Variants in ACTN2 observed in about 807,000 individuals in gnomAD.
ACTN2 encodes the protein actinin alpha 2, also known as alpha-actinin-2.
Under a neutral mutation model 113.8 loss-of-function variants are expected in ACTN2, and 39 were observed. The ratio of observed to expected loss-of-function variants is 0.34; its 90% CI spans 0.27 to 0.45. ACTN2 has a LOEUF of 0.45. ACTN2 is among the 20% of genes least tolerant of loss of function. The pLI is 1.00. For missense variants in ACTN2, 992 were observed against 1,177.9 expected (o/e 0.84, Z 2.31); for synonymous variants, 429 against 444.1 (o/e 0.97, Z 0.43).
rs1341861 is a variant in ACTN2 at position 236,720,386 on chromosome 1, G to T, written c.448+195G>T. 0.9 allele frequency among the ~76,000 whole-genome samples: 136,365 copies of T among 152,234 alleles called. 62,369 individuals are homozygous for T. The highest frequency in any genetic ancestry group is 0.99 in the Non-Finnish European group (67,408 of 68,034). ...CTGTTTCATTCATGGGGGTGGAATCGGTTTGCAAAAGATGAGCACATGTTC... is the reference window on the plus strand; with the variant it reads ...CTGTTTCATTCATGGGGGTGGAATCTGTTTGCAAAAGATGAGCACATGTTC... On this transcript the variant is annotated intron_variant, in intron 4 of 20. Transcript: ENST00000366578.
chr1:236,734,480 G>A (rs1281952554), intron 7 of ACTN2: 1 of 1,535,892 alleles, frequency 6.5e-7, no homozygotes, highest in Non-Finnish European at 8.7e-7. Context: ...AATGACTTAT[G>A]TTTCCTGTTA....
Position 236,757,572 on chromosome 1 carries a change from G to T in ACTN2, c.2241G>T (p.Ala747=). ...EVETQILTRD[A]KGITQEQMNE... ...AGACTCAGATCCTGACGAGAGATGC[G>T]AAGGGCATCACCCAGGAGCAGATGA... Residue 747 remains alanine (A), a synonymous_variant, in exon 18 of 21, where the codon GCG becomes GCT. Coordinates refer to ENST00000366578, the MANE Select transcript of ACTN2 (RefSeq NM_001103.4). The T allele has an allele frequency of 1.2e-6, 2 of 1,614,170 alleles. No homozygotes were observed. The highest frequency in any genetic ancestry group is 1.3e-5 in the African/African-American group (1 of 75,030).
At chr1:236,727,037 C>T (rs1658571639) in intron 5 of ACTN2, among the ~76,000 whole-genome samples, 1 of 152,210 alleles carries the variant, frequency 6.6e-6, no homozygotes, top group Non-Finnish European at 1.5e-5. Context: ...TGTCACTGAA[C>T]CCGCTGTCGC....
chr1:236,719,109 C>T lies in ACTN2; in HGVS notation c.361+96C>T, dbSNP rs41269355. On this transcript the variant is annotated intron_variant, in intron 3 of 20. Transcript: ENST00000366578. The stretch of plus-strand genomic sequence containing the variant: ...TTCTCCCCTTCTTCCCTCCCTTTCA[C>T]CATTTACTGTACCTGCCTTGTATCA... 0.061 allele frequency: 94,537 copies of T among 1,541,346 alleles called. 3,307 individuals carry two copies. Among genetic ancestry groups the T allele is most frequent in the Admixed American group, 0.079 (4,444 of 56,392 alleles).
intron 10 of ACTN2, among the ~76,000 whole-genome samples, chr1:236,739,855 C>T (rs916220974): frequency 8.5e-5 from 13 of 152,122 alleles, no homozygotes; most frequent in African/African-American, 3.1e-4. Context: ...GTCTTCTGTT[C>T]CCTGCTGTTA....
chr1:236,688,692 C>G (rs1396455402), intron 1 of ACTN2, among the ~76,000 whole-genome samples: 1 of 152,150 alleles, frequency 6.6e-6, no homozygotes, highest in African/African-American at 2.4e-5. Flanking sequence ...GCAAAAACTA[C>G]ATTAGGAGAG....
At chr1:236,692,218 G>A (rs565308961) in intron 1 of ACTN2, among the ~76,000 whole-genome samples, 3 of 152,310 alleles carry the variant, frequency 2.0e-5, no homozygotes, top group East Asian at 3.9e-4. Context: ...GGGATTATAC[G>A]AAGTATTAAA....
chr1:236,739,254 AG>A (rs745970916), intron 9 of ACTN2, 47 bp from the exon 10 acceptor site: 55 of 1,568,032 alleles, frequency 3.5e-5, no homozygotes, highest in Non-Finnish European at 4.5e-5. Context: ...TAACTGGGGG[AG>A]GGGGCTTGCT....
Position 236,749,190 on chromosome 1 carries a change from T to C in ACTN2, c.1582T>C (p.Phe528Leu), listed in dbSNP as rs764072608. Residue 528 changes from phenylalanine (F) to leucine (L), a missense_variant, in exon 14 of 21, where the codon TTC (phenylalanine) becomes CTC (leucine). Around this residue, in one of 3 missense-constraint regions of ACTN2, gnomAD observed 736 missense variants for 815.4 expected, o/e 0.90. Coordinates refer to ENST00000366578, the MANE Select transcript of ACTN2 (RefSeq NM_001103.4). ...GGAGTTTGCCAAGAGGGCTGCTCCT[T>C]TCAACAATTGGATGGAGGGCGCTAT... ...HLEFAKRAAP[F>L]NNWMEGAMED... is the part of the protein sequence containing the mutation. 6.2e-7 allele frequency: 1 copy of C among 1,614,208 alleles called. No individual in the cohort carries two copies. Among genetic ancestry groups the C allele is most frequent in the Non-Finnish European group, 8.5e-7 (1 of 1,180,026 alleles).
At chr1:236,688,057 C>T (rs796376813) in intron 1 of ACTN2, among the ~76,000 whole-genome samples, 4 of 152,196 alleles carry the variant, frequency 2.6e-5, no homozygotes, top group African/African-American at 7.2e-5. Context: ...AAGCCGTCTA[C>T]TATTGTTTAA....
intron 8 of ACTN2, 62 bp downstream of exon 8, chr1:236,735,782 C>A: frequency 1.4e-6 from 2 of 1,387,520 alleles, no homozygotes; most frequent in Non-Finnish European, 2.0e-6. Flanking sequence ...GTTGTGTGTG[C>A]ATACTTGAGT....
intron 9 of ACTN2, among the ~76,000 whole-genome samples, chr1:236,738,810 T>C (rs1319601972): frequency 1.3e-5 from 2 of 152,204 alleles, no homozygotes; most frequent in Non-Finnish European, 2.9e-5. Flanking sequence ...CACTTTGGCA[T>C]TGAGTTAGGC....
chr1:236,737,297 G>C (rs1343035274), intron 9 of ACTN2, 83 bp downstream of exon 9: 2 of 322,238 alleles, frequency 6.2e-6, no homozygotes, highest in African/African-American at 2.7e-5. Flanking sequence ...CTCCGTGGGG[G>C]CATATATATA....
At position 236,739,662 on chromosome 1, in the gene ACTN2, C is replaced by A. The variant is rs1572133003; in HGVS notation, c.1107+130C>A. 1.2e-5 allele frequency: 13 copies of A among 1,085,236 alleles called. No individual in the cohort carries two copies. The East Asian group carries it at 3.1e-4, about 26-fold the overall frequency. 67.2% of individuals were successfully genotyped at this position (1,085,236 alleles called of 1,614,324 possible). On this transcript the variant is annotated intron_variant, in intron 10 of 20. Transcript: ENST00000366578. ...TTAGTTGTGTGAATATCATTTTGGCCCTGTAACCACTTTGTTCTTAATACT... is the reference window on the plus strand; with the variant it reads ...TTAGTTGTGTGAATATCATTTTGGCACTGTAACCACTTTGTTCTTAATACT...
intron 15 of ACTN2, among the ~76,000 whole-genome samples, chr1:236,752,491 T>C (rs1341144490): frequency 7.1e-6 from 1 of 140,650 alleles, no homozygotes; most frequent in East Asian, 2.2e-4. Context: ...CTGATTTAAG[T>C]AGTTTTCTTG....
At position 236,749,274 on chromosome 1, in the gene ACTN2, C is replaced by A. The variant is rs979678081; in HGVS notation, c.1656+10C>A. 1.2e-6 allele frequency: 2 copies of A among 1,613,970 alleles called. No individual in the cohort carries two copies. The highest frequency in any genetic ancestry group is 1.7e-6 in the Non-Finnish European group (2 of 1,180,026). On this transcript the variant is annotated intron_variant, in intron 14 of 20. Coordinates refer to ENST00000366578, the MANE Select transcript of ACTN2 (RefSeq NM_001103.4). ...CATTGAGGAGATCCAGGTAATGGAA[C>A]CGCAACTCTGTATGCCCTATGCATT...
intron 1 of ACTN2, among the ~76,000 whole-genome samples, chr1:236,708,702 C>T (rs1455682405): frequency 1.3e-5 from 2 of 152,164 alleles, no homozygotes; most frequent in Admixed American, 6.5e-5. Context: ...ACCTTTTGGG[C>T]CTTGCTGGCT....
At chr1:236,731,010 A>G (rs530949287) in intron 6 of ACTN2, among the ~76,000 whole-genome samples, 1 of 152,218 alleles carries the variant, frequency 6.6e-6, no homozygotes, top group Non-Finnish European at 1.5e-5. Flanking sequence ...CTTTGTTCAC[A>G]CTTTATGATT....
In ACTN2 at chr1:236,743,025, C is replaced by T; in HGVS notation, c.1237C>T (p.His413Tyr). The change falls in exon 11 of 21, where the codon CAC (histidine) becomes TAC (tyrosine). Residue 413 changes from histidine to tyrosine, a missense_variant. By Grantham distance (83) the His-to-Tyr change is moderately conservative (BLOSUM62 2). Coordinates refer to ENST00000366578, the MANE Select transcript of ACTN2 (RefSeq NM_001103.4). ...GAAGTTCAGGCAGAAGGCCTCAACG[C>T]ACGAGACTTGGGCTTATGGTAAGTA... ...AEKFRQKAST[H>Y]ETWAYGKEQI... is the part of the protein sequence containing the mutation. 6.2e-7 allele frequency: 1 copy of T among 1,614,134 alleles called. No homozygotes were observed. The highest frequency in any genetic ancestry group is 1.1e-5 in the South Asian group (1 of 91,080).
Sources: gnomAD v4.1 joint callset for allele counts (sites outside exome capture counted in the v4.1 genomes callset) on GRCh38, gnomAD v4.1.1 for gene constraint, gnomAD v4.1.1 regional missense constraint, MANE v1.5 for transcripts, NCBI Gene and HGNC (gene_info 2026-07-23, HGNC 2026-07-21) for gene names.